NR5A2: variants seen among roughly 807,000 people sequenced by gnomAD.
The protein encoded by NR5A2 is CYP7A promoter-binding factor.
A neutral mutation model predicts 62.7 loss-of-function variants in NR5A2; 26 were observed. That is an observed-to-expected ratio of 0.41 (90% CI 0.30 to 0.58). The LOEUF (loss-of-function observed/expected upper bound fraction) is 0.58, where lower values mean the gene tolerates loss of function less well. Among genes scored for constraint, NR5A2 ranks in the 20% least tolerant of loss-of-function variants. The probability of loss-of-function intolerance (pLI) is 0.22; values close to 1 mark genes in which losing one functional copy is unlikely to be tolerated. For missense variants in NR5A2, 541 were observed against 669.1 expected (o/e 0.81, Z 2.11); for synonymous variants, 246 against 241.7 (o/e 1.02, Z -0.16).
intron 5 of NR5A2, among the ~76,000 whole-genome samples, chr1:200,066,894 A>G (rs1021238944): frequency 4.6e-5 from 7 of 152,152 alleles, no homozygotes; most frequent in African/African-American, 1.7e-4. Flanking sequence ...ATCTATTTTA[A>G]AGTTTGGCAG....
chr1:200,042,742 C>A, intron 2 of NR5A2: 4 of 847,284 alleles, frequency 4.7e-6, no homozygotes, highest in Non-Finnish European at 5.7e-6. Context: ...CGCTCCCATA[C>A]TTGACCTGTG....
chr1:200,090,948 G>T (rs1405193355), intron 5 of NR5A2, among the ~76,000 whole-genome samples: 2 of 152,142 alleles, frequency 1.3e-5, no homozygotes, highest in African/African-American at 2.4e-5. Flanking sequence ...CTGTGTTCTG[G>T]TGCCATCCTG....
intron 7 of NR5A2, among the ~76,000 whole-genome samples, chr1:200,162,478 T>C (rs994934930): frequency 6.6e-6 from 1 of 152,200 alleles, no homozygotes; most frequent in Admixed American, 6.5e-5. Flanking sequence ...GTTTAATCTT[T>C]AACCCAGGGT....
At chr1:200,142,183 GACTTCTTTTT>G (rs1667470563) in intron 7 of NR5A2, among the ~76,000 whole-genome samples, 27 of 109,762 alleles carry the variant, frequency 2.5e-4, no homozygotes, top group Admixed American at 2.3e-3. Context: ...TTGTTTTAAA[GACTTCTTTTT>G]TTTTTTTTTT....
chr1:200,173,877 A>C (rs1341256086), intron 7 of NR5A2, 86 bp from the exon 8 acceptor site: 2 of 1,292,906 alleles, frequency 1.5e-6, no homozygotes, highest in Non-Finnish European at 2.0e-6. Flanking sequence ...AGGAAAATAC[A>C]TCCATTAATT....
At chr1:200,034,507 C>T (rs1279069597) in intron 1 of NR5A2, among the ~76,000 whole-genome samples, 3 of 145,408 alleles carry the variant, frequency 2.1e-5, no homozygotes, top group African/African-American at 7.7e-5. Context: ...TCAGTGAACT[C>T]TTTTTATACA....
chr1:200,164,867 GTTT>G (rs56818276), intron 7 of NR5A2, among the ~76,000 whole-genome samples: 5 of 63,930 alleles, frequency 7.8e-5, no homozygotes, highest in African/African-American at 4.2e-4. Flanking sequence ...TTTTAGAGCA[GTTT>G]TTTTTTTTTT....
In NR5A2 at chr1:200,147,409, C is replaced by T. The variant is rs1667756965; in HGVS notation, c.1378+26454C>T. The T allele has an allele frequency of 6.7e-6, 3 of 445,180 alleles. No individual in the cohort carries two copies. Among genetic ancestry groups the T allele is most frequent in the South Asian group, 1.8e-5 (1 of 54,196 alleles). 27.6% of individuals were successfully genotyped at this position (445,180 alleles called of 1,614,324 possible). A position where few individuals can be genotyped will look rare whatever the true frequency, so the allele number is the denominator to read the frequency against. On this transcript the variant is annotated intron_variant, in intron 7 of 7. Coordinates refer to ENST00000367362, the MANE Select transcript of NR5A2 (RefSeq NM_205860.3). The surrounding 1 kb of genome is among the most constrained non-coding windows in gnomAD (Gnocchi z 4.9). ...CTCTCGGAGTCTGTATGGGTCTGGG[C>T]GAGATGCAGGCAGCTTATCTGTTTA...
intron 1 of NR5A2, among the ~76,000 whole-genome samples, chr1:200,031,821 C>T (rs1237173055): frequency 6.6e-6 from 1 of 152,028 alleles, no homozygotes; most frequent in Non-Finnish European, 1.5e-5. Context: ...CTCAGGTGAT[C>T]CACCCACCTC....
intron 5 of NR5A2, among the ~76,000 whole-genome samples, chr1:200,107,282 T>C (rs1665726026): frequency 6.8e-6 from 1 of 146,752 alleles, no homozygotes; most frequent in South Asian, 2.2e-4. Flanking sequence ...TTCCTTCATT[T>C]AGCAAGCATT....
chr1:200,110,207 A>G (rs1003530457), intron 5 of NR5A2, among the ~76,000 whole-genome samples: 5 of 152,212 alleles, frequency 3.3e-5, no homozygotes, highest in African/African-American at 1.2e-4. Context: ...ATATTACACA[A>G]CATATAAATG....
chr1:200,130,278 GGAAGAA>G (rs66507419), intron 7 of NR5A2, among the ~76,000 whole-genome samples: 3,229 of 106,454 alleles, frequency 0.03, 91 homozygotes, highest in African/African-American at 0.076. Flanking sequence ...GAACTAACTA[GGAAGAA>G]GAAGAAGAAG....
rs767393832 is a variant in NR5A2 at position 200,034,783 on chromosome 1, C to CTTTTT, written c.65-4848_65-4844dup. 7.2e-4 allele frequency among the ~76,000 whole-genome samples: 51 copies of CTTTTT among 71,282 alleles called. 1 individual carries two copies. Among genetic ancestry groups the CTTTTT allele is most frequent in the African/African-American group, 1.5e-3 (28 of 18,910 alleles). 46.8% of individuals were successfully genotyped at this position (71,282 alleles called of 152,430 possible). On this transcript the variant is annotated intron_variant, in intron 1 of 7. Coordinates refer to ENST00000367362, the MANE Select transcript of NR5A2 (RefSeq NM_205860.3). ...GTTATTCACACGTGCAGCAGAAAGGCTTTTTTTTTTTTTTTTTTTTTTTTT... is the reference window on the plus strand; with the variant it reads ...GTTATTCACACGTGCAGCAGAAAGGCTTTTTTTTTTTTTTTTTTTTTTTTTTTTTT...
intron 7 of NR5A2, among the ~76,000 whole-genome samples, chr1:200,128,037 A>G (rs1210439003): frequency 6.6e-6 from 1 of 152,084 alleles, no homozygotes. Flanking sequence ...TTTTTATTGA[A>G]TATGCTAAGT....
chr1:200,049,113 T>C (rs998695621), intron 5 of NR5A2, among the ~76,000 whole-genome samples: 1 of 152,134 alleles, frequency 6.6e-6, no homozygotes, highest in African/African-American at 2.4e-5. Context: ...TTAATTCAGA[T>C]GGTTTGTGGC....
intron 5 of NR5A2, among the ~76,000 whole-genome samples, chr1:200,068,484 T>G (rs552749931): frequency 1.3e-5 from 2 of 152,222 alleles, no homozygotes; most frequent in African/African-American, 4.8e-5. Flanking sequence ...TTGTCTGATA[T>G]CTTTGAAGTT....
intron 5 of NR5A2, among the ~76,000 whole-genome samples, chr1:200,085,239 AAATG>A (rs550202558): frequency 7.4e-4 from 113 of 152,364 alleles, no homozygotes; most frequent in Admixed American, 1.5e-3. Flanking sequence ...ACTGGGGATT[AAATG>A]ACTTAACACA....
chr1:200,128,209 C>T (rs1666814005), intron 7 of NR5A2, among the ~76,000 whole-genome samples: 1 of 152,202 alleles, frequency 6.6e-6, no homozygotes, highest in African/African-American at 2.4e-5. Context: ...GTCCTCCATA[C>T]AGGCAGGTTT....
intron 6 of NR5A2, 118 bp downstream of exon 6, chr1:200,111,439 C>T (rs1027598336): frequency 7.9e-6 from 9 of 1,134,768 alleles, no homozygotes; most frequent in Middle Eastern, 2.7e-4. Flanking sequence ...GATTGGCTGC[C>T]AATAATTTAG....
Sources: gnomAD v4.1 joint callset for allele counts (sites outside exome capture counted in the v4.1 genomes callset) on GRCh38, gnomAD v4.1.1 for gene constraint, Gnocchi (gnomAD v3.1) non-coding constraint, MANE v1.5 for transcripts, NCBI Gene and HGNC (gene_info 2026-07-23, HGNC 2026-07-21) for gene names.